The following CNTN6 variants were observed in gnomAD, a reference collection of about 807,000 sequenced individuals.
CNTN6 encodes the protein contactin-6.
A neutral mutation model predicts 122.8 loss-of-function variants in CNTN6; 137 were observed. That is an observed-to-expected ratio of 1.12 (90% CI 0.97 to 1.29). The LOEUF is 1.29. Ranked by LOEUF, CNTN6 falls within the 50% of genes most tolerant of loss-of-function variation. The pLI is 0.00. For synonymous variants in CNTN6, 570 were observed against 426.0 expected (o/e 1.34, Z -4.16); for missense variants, 1,634 against 1,223.4 (o/e 1.34, Z -5.01).
chr3:1,236,208 C>T, intron 4 of CNTN6, among the ~76,000 whole-genome samples: 1 of 151,318 alleles, frequency 6.6e-6, no homozygotes, highest in Admixed American at 6.6e-5. Context: ...AACCTGAATA[C>T]TTTTGCATCC....
chr3:1,204,802 T>A (rs1499095), intron 2 of CNTN6, among the ~76,000 whole-genome samples: 1 of 151,928 alleles, frequency 6.6e-6, no homozygotes, highest in Admixed American at 6.6e-5. Context: ...CATGTGTAAC[T>A]AATATAACTC....
chr3:1,293,926 G>T (rs1219856057), intron 5 of CNTN6, among the ~76,000 whole-genome samples: 2 of 152,158 alleles, frequency 1.3e-5, no homozygotes, highest in African/African-American at 4.8e-5. Flanking sequence ...TTTGCTCAAA[G>T]ATTTCTGGCT....
At chr3:1,220,652 T>G in intron 2 of CNTN6, 35 bp from the exon 3 acceptor site, 1 of 1,566,298 alleles carries the variant, frequency 6.4e-7, no homozygotes, top group Non-Finnish European at 8.6e-7. Flanking sequence ...CAGGGCCACT[T>G]TTTTTTCATG....
intron 2 of CNTN6, among the ~76,000 whole-genome samples, chr3:1,207,708 ATC>A (rs143761488): frequency 0.065 from 9,948 of 152,164 alleles, 399 homozygotes; most frequent in Middle Eastern, 0.1. Flanking sequence ...ACTCAAAGTT[ATC>A]TGTTTTGTTC....
Position 1,109,096 on chromosome 3 carries a change from CAG to C in CNTN6, c.-83+15978_-83+15979del, listed in dbSNP as rs144668208. Among the ~76,000 whole-genome samples, 16 of 152,044 alleles carry C rather than the reference CAG, an allele frequency of 1.1e-4. No homozygotes were observed. In the East Asian group the frequency reaches 3.1e-3, roughly 29 times the overall value. On this transcript the variant is annotated intron_variant, in intron 1 of 22. Coordinates refer to ENST00000446702, the MANE Select transcript of CNTN6 (RefSeq NM_001289080.2). ...TTTAATAAGATTATAAAAAGAATAACAGACATATAAATGAGGCTAAAAATTTT... is the reference window on the plus strand; with the variant it reads ...TTTAATAAGATTATAAAAAGAATAACACATATAAATGAGGCTAAAAATTTT...
chr3:1,186,975 G>A (rs986848384), intron 2 of CNTN6, among the ~76,000 whole-genome samples: 7 of 152,110 alleles, frequency 4.6e-5, no homozygotes, highest in African/African-American at 1.7e-4. Context: ...AAGAGGAAAA[G>A]AGAAGTTGAG....
intron 7 of CNTN6, among the ~76,000 whole-genome samples, chr3:1,320,597 T>C (rs781556774): frequency 9.2e-5 from 14 of 151,620 alleles, no homozygotes; most frequent in Non-Finnish European, 1.6e-4. Flanking sequence ...ATTATTAATT[T>C]GAAATATAAT....
intron 1 of CNTN6, among the ~76,000 whole-genome samples, chr3:1,109,859 C>T (rs2091399389): frequency 1.3e-5 from 2 of 151,952 alleles, no homozygotes; most frequent in Non-Finnish European, 2.9e-5. Context: ...TTTTTAAATG[C>T]TTCTTCCCAT....
At chr3:1,261,278 T>G (rs1188835593) in intron 4 of CNTN6, among the ~76,000 whole-genome samples, 1 of 152,150 alleles carries the variant, frequency 6.6e-6, no homozygotes. Context: ...TAGGTGGTAT[T>G]CTCAGAAGTA....
intron 2 of CNTN6, chr3:1,173,401 T>A (rs1023207884): frequency 2.5e-6 from 1 of 395,040 alleles, no homozygotes; most frequent in Non-Finnish European, 5.1e-6. Flanking sequence ...GTGCTTTACG[T>A]GAATTATTTC....
chr3:1,402,168 A>C, intron 21 of CNTN6, 150 bp from the exon 22 acceptor site: 1 of 555,406 alleles, frequency 1.8e-6, no homozygotes, highest in Non-Finnish European at 2.9e-6. Context: ...GAGCAATGGA[A>C]TATAAGGAAA....
chr3:1,223,599 C>T (rs562100881), intron 3 of CNTN6, among the ~76,000 whole-genome samples: 3 of 152,290 alleles, frequency 2.0e-5, no homozygotes, highest in Non-Finnish European at 4.4e-5. Flanking sequence ...CTAGGAAAAT[C>T]ATGTAGCAAT....
chr3:1,093,056 G>A lies in CNTN6; in HGVS notation c.-147G>A. 1 of 317,526 alleles carries A rather than the reference G, an allele frequency of 3.1e-6. No individual in the cohort carries two copies. Among genetic ancestry groups the A allele is most frequent in the Admixed American group, 4.3e-5 (1 of 23,052 alleles). 19.7% of individuals were successfully genotyped at this position (317,526 alleles called of 1,614,324 possible). A position where few individuals can be genotyped will look rare whatever the true frequency, so the allele number is the denominator to read the frequency against. ...TTGGTTCTGCCTGGACGCACAGCAT[G>A]CCTGGCTGAGAGCTTGAAACAGAGT... is the stretch of plus-strand genomic sequence containing the variant. On this transcript the variant is annotated 5_prime_UTR_variant, in exon 1 of 23. It removes an upstream start codon present in the reference 5' UTR. Transcript: ENST00000446702.
chr3:1,357,553 G>C (rs973592882), intron 12 of CNTN6, among the ~76,000 whole-genome samples: 3 of 151,870 alleles, frequency 2.0e-5, no homozygotes, highest in Non-Finnish European at 4.4e-5. Flanking sequence ...GGAATAGGTT[G>C]CTAAAACCAC....
intron 2 of CNTN6, among the ~76,000 whole-genome samples, chr3:1,202,545 AAT>A (rs1453977793): frequency 2.3e-4 from 16 of 70,368 alleles, no homozygotes; most frequent in South Asian, 4.1e-4. Flanking sequence ...CGTCTCAAAA[AAT>A]AAATAAATAA....
At chr3:1,156,686 T>TCCCTTCCTTCCTTC (rs1169959791) in intron 2 of CNTN6, among the ~76,000 whole-genome samples, 8 of 29,534 alleles carry the variant, frequency 2.7e-4, no homozygotes, top group Middle Eastern at 0.021. Context: ...TTCCTTTCCC[T>TCCCTTCCTTCCTTC]CCCTCCCTTC....
intron 1 of CNTN6, among the ~76,000 whole-genome samples, chr3:1,096,138 T>C (rs1295183300): frequency 6.6e-6 from 1 of 152,200 alleles, no homozygotes. Context: ...TTAAACATTT[T>C]TGGAGACCCT....
chr3:1,229,088 C>G (rs2094322298), intron 4 of CNTN6, among the ~76,000 whole-genome samples: 1 of 152,114 alleles, frequency 6.6e-6, no homozygotes, highest in South Asian at 2.1e-4. Flanking sequence ...ATGTTGCTAA[C>G]TGTATCCAAA....
At chr3:1,269,959 C>G (rs959921807) in intron 4 of CNTN6, among the ~76,000 whole-genome samples, 5 of 152,134 alleles carry the variant, frequency 3.3e-5, no homozygotes, top group African/African-American at 7.2e-5. Flanking sequence ...ACCAGGAGCT[C>G]TTAAAATAAC....
Sources: allele counts gnomAD v4.1 joint callset (sites outside exome capture counted in the v4.1 genomes callset), GRCh38; gene constraint gnomAD v4.1.1; transcripts MANE v1.5; gene names NCBI Gene and HGNC (gene_info 2026-07-23, HGNC 2026-07-21).